The following CAPN8 variants were observed in gnomAD, a reference collection of about 807,000 sequenced individuals.
CAPN8 encodes calpain-8.
In CAPN8, 87 loss-of-function variants were observed where a neutral mutation model predicts 80.9. The ratio of observed to expected loss-of-function variants is 1.07; its 90% CI spans 0.90 to 1.28. The LOEUF is 1.28. Ranked by LOEUF, CAPN8 falls within the 50% of genes most tolerant of loss-of-function variation. CAPN8 has a pLI of 0.00. For synonymous variants in CAPN8, 299 were observed against 273.8 expected, an observed-to-expected ratio of 1.09 and a Z score of -0.91; for missense variants, 757 against 702.0, an observed-to-expected ratio of 1.08 and a Z score of -0.89.
At chr1:223,629,204 G>GTGTGTGTA (rs1437629881) in intron 2 of CAPN8, among the ~76,000 whole-genome samples, 2 of 146,468 alleles carry the variant, frequency 1.4e-5, no homozygotes, top group African/African-American at 5.1e-5. Flanking sequence ...AAGAGTGTGT[G>GTGTGTGTA]TGTGTGTGTG....
intron 1 of CAPN8, among the ~76,000 whole-genome samples, chr1:223,656,326 C>T (rs931233056): frequency 5.3e-5 from 8 of 151,840 alleles, no homozygotes; most frequent in Middle Eastern, 3.2e-3. Context: ...AAAATTAGCC[C>T]GGCATGGTGG....
At position 223,541,847 on chromosome 1, in the gene CAPN8, C is replaced by T. The variant is rs935618001; in HGVS notation, c.2101G>A (p.Val701Met). 7.7e-6 allele frequency: 12 copies of T among 1,550,360 alleles called. No individual in the cohort carries two copies. Among genetic ancestry groups the T allele is most frequent in the Admixed American group, 2.0e-5 (1 of 50,848 alleles). ...TCCGAAACCCCGGGTCAGACCAACACGCAGCACAGCCACTGCAAAGGAAAG... is the reference window on the plus strand; with the variant it reads ...TCCGAAACCCCGGGTCAGACCAACATGCAGCACAGCCACTGCAAAGGAAAG... ...QLSLAEWLCC[V>M]LV Residue 701 changes from valine to methionine, a missense_variant, in exon 21 of 21, where the codon GTG (valine) becomes ATG (methionine). Physicochemically the swap from Val to Met is conservative, Grantham distance 21. Transcript: ENST00000366872.
rs1010109285 is a variant in CAPN8, at chr1:223,609,236, G to T, written c.1452C>A (p.Tyr484Ter). 5.5e-5 allele frequency: 22 copies of T among 398,386 alleles called. No individual in the cohort carries two copies. Among genetic ancestry groups the T allele is most frequent in the African/African-American group, 4.1e-4 (20 of 48,572 alleles). The allele number at this position is 398,386 out of a possible 1,614,324, so 24.7% of individuals were successfully genotyped here. ...SGRARLPPGE[Y>*]LVVPSTFEPF... ...GTTCAAATGTGGATGGCACCACCAG[G>T]TACTCCCCAGGGGGCAGCCGGGCCC... Residue 484 changes from tyrosine to a stop codon, truncating the protein, a stop_gained, in exon 12 of 21, where the codon TAC becomes TAA. Transcript: ENST00000366872. LOFTEE classifies it high-confidence loss of function.
At chr1:223,645,517 G>A (rs1268581598) in intron 2 of CAPN8, among the ~76,000 whole-genome samples, 1 of 152,316 alleles carries the variant, frequency 6.6e-6, no homozygotes, top group South Asian at 2.1e-4. Context: ...CAGAGAAAAT[G>A]GGATTTGAGG....
At chr1:223,663,224 A>T (rs1109221) in intron 1 of CAPN8, among the ~76,000 whole-genome samples, 97,787 of 152,058 alleles carry the variant, frequency 0.64, 31,999 homozygotes, top group Non-Finnish European at 0.72. Flanking sequence ...TAGTTTGGGG[A>T]AGAACAGGCT....
At chr1:223,643,459 G>T (rs557105101) in intron 2 of CAPN8, among the ~76,000 whole-genome samples, 1 of 152,326 alleles carries the variant, frequency 6.6e-6, no homozygotes, top group East Asian at 1.9e-4. Context: ...ATGTTAAAAT[G>T]CCAAGGAACC....
intron 1 of CAPN8, among the ~76,000 whole-genome samples, chr1:223,663,643 G>A (rs1658709657): frequency 6.6e-6 from 1 of 152,304 alleles, no homozygotes; most frequent in East Asian, 1.9e-4. Context: ...ATGAAATGTG[G>A]CTGTCTTGAA....
Position 223,609,314 on chromosome 1 carries a change from G to A in CAPN8, c.1374C>T (p.Tyr458=). 1 of 398,590 alleles carries A rather than the reference G, an allele frequency of 2.5e-6. No homozygotes were observed. The highest frequency in any genetic ancestry group is 4.4e-6 in the Non-Finnish European group (1 of 226,054). The allele number at this position is 398,590 out of a possible 1,614,324, so 24.7% of individuals were successfully genotyped here. A position where few individuals can be genotyped will look rare whatever the true frequency, so the allele number is the denominator to read the frequency against. Residue 458 remains tyrosine, a synonymous_variant, in exon 12 of 21, where the codon TAC becomes TAT. Transcript: ENST00000366872. The part of the protein sequence containing the change: ...AHLGRDFFLA[Y]QPSARTSTYV... The stretch of plus-strand genomic sequence containing the variant: ...AGGTGCTGGTGCGGGCTGAGGGCTG[G>A]TAGGCCAGGAAGAAATCCCGGCCCA...
At chr1:223,548,188 T>C (rs879510458) in intron 16 of CAPN8, among the ~76,000 whole-genome samples, 5 of 152,142 alleles carry the variant, frequency 3.3e-5, no homozygotes, top group Non-Finnish European at 7.3e-5. Flanking sequence ...TCATCATGGA[T>C]GAGGCCCCAA....
intron 18 of CAPN8, 73 bp from the exon 19 acceptor site, chr1:223,544,256 G>C (rs1656555907): frequency 2.9e-6 from 2 of 692,928 alleles, no homozygotes; most frequent in African/African-American, 1.8e-5. Context: ...CACTCAAGGA[G>C]CTGACATCCC....
intron 5 of CAPN8, 39 bp downstream of exon 5, chr1:223,626,950 T>TG: frequency 2.0e-6 from 3 of 1,537,110 alleles, no homozygotes; most frequent in Non-Finnish European, 2.6e-6. Flanking sequence ...GGGGTGGCGG[T>TG]GGGGGGAGGT....
rs534727972 is a variant in CAPN8 at position 223,659,028 on chromosome 1, A to G, written c.238-4629T>C. Reference sequence around the variant, plus strand: ...CTTAGAACCCTTTTTTATCTTTCCTAATAACAATCATGTCTTTTTAGTAAC... The same window carrying G: ...CTTAGAACCCTTTTTTATCTTTCCTGATAACAATCATGTCTTTTTAGTAAC... On this transcript the variant is annotated intron_variant, in intron 1 of 20. Coordinates refer to ENST00000366872, the MANE Select transcript of CAPN8 (RefSeq NM_001143962.2). Among the ~76,000 whole-genome samples, 4 of 152,264 alleles carry G rather than the reference A, an allele frequency of 2.6e-5. No homozygotes were observed. The East Asian group carries it at 7.7e-4, about 29-fold the overall frequency.
intron 13 of CAPN8, among the ~76,000 whole-genome samples, chr1:223,557,897 G>A (rs939783917): frequency 3.9e-5 from 6 of 152,204 alleles, no homozygotes; most frequent in Non-Finnish European, 8.8e-5. Context: ...ATCAAACATG[G>A]AAGACGATGG....
chr1:223,627,781 C>G (rs1368569944), intron 4 of CAPN8, among the ~76,000 whole-genome samples: 1 of 152,206 alleles, frequency 6.6e-6, no homozygotes. Flanking sequence ...GCTGGCCCCA[C>G]CACATACACA....
chr1:223,645,730 G>A (rs1332477567), intron 2 of CAPN8, among the ~76,000 whole-genome samples: 1 of 152,176 alleles, frequency 6.6e-6, no homozygotes, highest in Non-Finnish European at 1.5e-5. Context: ...CAGGGACCAA[G>A]GTTGAGCAAG....
chr1:223,611,264 G>A (rs1346942216), intron 11 of CAPN8, among the ~76,000 whole-genome samples: 4 of 152,212 alleles, frequency 2.6e-5, no homozygotes, highest in African/African-American at 9.6e-5. Context: ...TGGAGCACTA[G>A]CTGAAACAGG....
chr1:223,609,875 C>G (rs1656988652), intron 11 of CAPN8, among the ~76,000 whole-genome samples: 1 of 152,184 alleles, frequency 6.6e-6, no homozygotes. Context: ...TCTGGGAACC[C>G]AGGGAGGCAG....
intron 2 of CAPN8, among the ~76,000 whole-genome samples, chr1:223,633,989 A>T (rs1344164494): frequency 6.6e-6 from 1 of 152,214 alleles, no homozygotes; most frequent in African/African-American, 2.4e-5. Context: ...AAGTGGAAAC[A>T]AGAGTAAAGC....
chr1:223,625,842 AC>A lies in CAPN8; in HGVS notation c.775del (p.Val259LeufsTer14). The A allele has an allele frequency of 6.4e-7, 1 of 1,551,572 alleles. No individual in the cohort carries two copies. The highest frequency in any genetic ancestry group is 8.7e-7 in the Non-Finnish European group (1 of 1,146,832). On this transcript the variant is annotated frameshift_variant, in exon 6 of 21. Coordinates refer to ENST00000366872, the MANE Select transcript of CAPN8 (RefSeq NM_001143962.2). LOFTEE classifies it high-confidence loss of function. ...AGTGACAGAGTACGCATGACTCTTA[AC>A]CAGCTTCTGGCTGGTGATGGCTTCG... ...EAEAITSQKL[V>X]KSHAYSVTGV...
Sources: allele counts gnomAD v4.1 joint callset (sites outside exome capture counted in the v4.1 genomes callset), GRCh38; gene constraint gnomAD v4.1.1; transcripts MANE v1.5; gene names NCBI Gene and HGNC (gene_info 2026-07-23, HGNC 2026-07-21).